Variants in RALGAPA2 observed in about 807,000 individuals in gnomAD.
The protein encoded by RALGAPA2 is Ral GTPase activating protein catalytic subunit alpha 2.
Under a neutral mutation model 230.4 loss-of-function variants are expected in RALGAPA2, and 139 were observed. That is an observed-to-expected ratio of 0.60 (90% confidence interval 0.53 to 0.69). The LOEUF is 0.69. Ranked by LOEUF, RALGAPA2 falls within the 30% of genes least tolerant of loss-of-function variation. RALGAPA2 has a pLI of 0.00. For missense variants in RALGAPA2, 2,163 were observed against 2,276.0 expected (o/e 0.95, Z 1.01); for synonymous variants, 847 against 837.8 (o/e 1.01, Z -0.19).
At chr20:20,473,822 T>C (rs1322784690) in intron 36 of RALGAPA2, among the ~76,000 whole-genome samples, 1 of 152,196 alleles carries the variant, frequency 6.6e-6, no homozygotes, top group East Asian at 1.9e-4. Context: ...GAGATCACAA[T>C]TCTTACATGA....
intron 4 of RALGAPA2, among the ~76,000 whole-genome samples, chr20:20,646,752 G>A (rs1158195698): frequency 6.6e-6 from 1 of 151,836 alleles, no homozygotes; most frequent in Non-Finnish European, 1.5e-5. Context: ...TTCATGCAAT[G>A]GTTTTTAAAA....
intron 28 of RALGAPA2, among the ~76,000 whole-genome samples, chr20:20,525,455 C>A (rs956240304): frequency 2.0e-5 from 3 of 152,200 alleles, no homozygotes; most frequent in African/African-American, 7.2e-5. Context: ...TGCCTTTTAA[C>A]GTGTCTCTGA....
chr20:20,673,744 T>C (rs879506173), intron 3 of RALGAPA2, among the ~76,000 whole-genome samples: 3 of 152,250 alleles, frequency 2.0e-5, no homozygotes, highest in African/African-American at 4.8e-5. Context: ...TCCAATCTTA[T>C]AGAACTATGT....
intron 9 of RALGAPA2, 121 bp downstream of exon 9, chr20:20,635,297 C>A: frequency 9.4e-7 from 1 of 1,063,260 alleles, no homozygotes; most frequent in Non-Finnish European, 1.4e-6. Flanking sequence ...CCAATAAAAT[C>A]ACTTACCTAT....
chr20:20,422,916 C>T (rs1451857494), intron 37 of RALGAPA2, among the ~76,000 whole-genome samples: 2 of 152,278 alleles, frequency 1.3e-5, no homozygotes, highest in African/African-American at 2.4e-5. Flanking sequence ...AGTGGGTCTT[C>T]GTCAGACTGC....
intron 36 of RALGAPA2, among the ~76,000 whole-genome samples, chr20:20,487,912 G>GAA (rs79112449): frequency 0.019 from 2,126 of 109,742 alleles, 74 homozygotes; most frequent in East Asian, 0.16. Context: ...ACTCGGTCTC[G>GAA]AAAAAAAAAA....
intron 37 of RALGAPA2, among the ~76,000 whole-genome samples, chr20:20,452,824 T>C (rs1003715342): frequency 1.3e-5 from 2 of 152,224 alleles, no homozygotes; most frequent in African/African-American, 2.4e-5. Context: ...AGATCCAACA[T>C]GATTTAAAAT....
Position 20,524,850 on chromosome 20 carries a change from A to C in RALGAPA2, c.3742T>G (p.Ser1248Ala), listed in dbSNP as rs2063153496. 1.2e-6 allele frequency: 2 copies of C among 1,609,676 alleles called. No homozygotes were observed. Among genetic ancestry groups the C allele is most frequent in the Non-Finnish European group, 8.5e-7 (1 of 1,178,154 alleles). ...CCTACCTTCTTGTCTGTTTCCACTG[A>C]GGAGTACTCTGCACTTGGTAAAAGA... ...AFLLPSAEYS[S>A]VETDKKFIVS... The change falls in exon 29 of 40, where the codon TCA becomes GCA. Residue 1248 changes from serine (S) to alanine (A), a missense_variant. By Grantham distance (99) the Ser-to-Ala change is moderately conservative. Transcript: ENST00000202677.
At chr20:20,608,731 T>C (rs1568643932) in intron 14 of RALGAPA2, among the ~76,000 whole-genome samples, 1 of 152,186 alleles carries the variant, frequency 6.6e-6, no homozygotes, top group Non-Finnish European at 1.5e-5. Flanking sequence ...AGACCCTTAG[T>C]ATTCTTGCCT....
At chr20:20,689,599 G>A (rs1278829282) in intron 1 of RALGAPA2, among the ~76,000 whole-genome samples, 9 of 152,148 alleles carry the variant, frequency 5.9e-5, no homozygotes, top group African/African-American at 1.9e-4. Context: ...CCGAGATCGC[G>A]CCACTGCACA....
At position 20,589,263 on chromosome 20, in the gene RALGAPA2, C is replaced by G; in HGVS notation, c.2439+5G>C. On this transcript the variant is annotated splice_donor_5th_base_variant and intron_variant, in intron 18 of 39. Coordinates refer to ENST00000202677, the MANE Select transcript of RALGAPA2 (RefSeq NM_020343.4). ...ACAAACTGAAATGGCTTGAAAATAT[C>G]TTACTGTTATTCCTTCATGTTCTCT... 6.4e-7 allele frequency: 1 copy of G among 1,553,288 alleles called. No individual in the cohort carries two copies. Among genetic ancestry groups the G allele is most frequent in the Non-Finnish European group, 8.7e-7 (1 of 1,147,868 alleles).
chr20:20,408,416 A>C (rs1050119033), intron 38 of RALGAPA2, among the ~76,000 whole-genome samples: 1 of 152,246 alleles, frequency 6.6e-6, no homozygotes, highest in African/African-American at 2.4e-5. Flanking sequence ...GGCAGTTCTG[A>C]AAAAAATCTC....
intron 18 of RALGAPA2, among the ~76,000 whole-genome samples, chr20:20,588,899 C>G (rs1468334004): frequency 6.6e-6 from 1 of 151,788 alleles, no homozygotes; most frequent in Non-Finnish European, 1.5e-5. Flanking sequence ...AACCTAACAT[C>G]TTTGTGAATA....
chr20:20,514,266 C>G (rs1396437309), intron 31 of RALGAPA2, among the ~76,000 whole-genome samples: 2 of 152,092 alleles, frequency 1.3e-5, no homozygotes, highest in Non-Finnish European at 2.9e-5. Flanking sequence ...CCGCTCCGCA[C>G]CCAAGCAGAT....
chr20:20,419,319 A>T (rs180710328), intron 37 of RALGAPA2, among the ~76,000 whole-genome samples: 1 of 152,332 alleles, frequency 6.6e-6, no homozygotes, highest in East Asian at 1.9e-4. Flanking sequence ...AAACAGCACT[A>T]ATCAAATGAA....
intron 23 of RALGAPA2, among the ~76,000 whole-genome samples, chr20:20,563,734 T>A (rs2064326222): frequency 6.6e-6 from 1 of 152,160 alleles, no homozygotes; most frequent in Non-Finnish European, 1.5e-5. Flanking sequence ...CCTTGACAGA[T>A]AATGGGAATC....
At chr20:20,662,164 A>G (rs1472516604) in intron 3 of RALGAPA2, among the ~76,000 whole-genome samples, 1 of 152,226 alleles carries the variant, frequency 6.6e-6, no homozygotes, top group Non-Finnish European at 1.5e-5. Flanking sequence ...TTACAAAGTT[A>G]TTATTCTAAG....
At chr20:20,443,207 C>A (rs1602382398) in intron 37 of RALGAPA2, among the ~76,000 whole-genome samples, 1 of 152,092 alleles carries the variant, frequency 6.6e-6, no homozygotes, top group Non-Finnish European at 1.5e-5. Context: ...ATTGTAATAC[C>A]AGAAGGATCT....
intron 37 of RALGAPA2, among the ~76,000 whole-genome samples, chr20:20,443,962 G>A (rs1161796151): frequency 2.6e-5 from 4 of 152,252 alleles, no homozygotes; most frequent in African/African-American, 9.6e-5. Flanking sequence ...TAGGGCAGCA[G>A]CTCCCATTCC....
Sources: allele counts gnomAD v4.1 joint callset (sites outside exome capture counted in the v4.1 genomes callset), GRCh38; gene constraint gnomAD v4.1.1; transcripts MANE v1.5; gene names NCBI Gene and HGNC (gene_info 2026-07-23, HGNC 2026-07-21).